Variants in TGS1 observed in about 807,000 individuals in gnomAD.
TGS1 encodes trimethylguanosine synthase.
Under a neutral mutation model 92.2 loss-of-function variants are expected in TGS1, and 69 were observed. The observed-to-expected ratio is 0.75, with a 90% CI of 0.62 to 0.91. The LOEUF is 0.91. TGS1 is among the 40% of genes least tolerant of loss of function. TGS1 has a pLI of 0.00. For missense variants in TGS1, 1,062 were observed against 1,001.2 expected, an observed-to-expected ratio of 1.06 and a Z score of -0.82; for synonymous variants, 345 against 338.1, an observed-to-expected ratio of 1.02 and a Z score of -0.22.
chr8:55,783,844 A>G (rs548430497), intron 2 of TGS1, among the ~76,000 whole-genome samples: 2 of 152,338 alleles, frequency 1.3e-5, no homozygotes, highest in Admixed American at 1.3e-4. Flanking sequence ...GTGCTATGCT[A>G]TACAAATAAA....
intron 3 of TGS1, 34 bp downstream of exon 3, chr8:55,785,925 CTT>C (rs1563452268): frequency 1.3e-6 from 2 of 1,520,802 alleles, no homozygotes. Flanking sequence ...ATTTCTCTCT[CTT>C]CGTTTTCTTT....
intron 7 of TGS1, 22 bp from the exon 8 acceptor site, chr8:55,798,892 T>A (rs1329760351): frequency 6.4e-7 from 1 of 1,560,782 alleles, no homozygotes; most frequent in East Asian, 2.2e-5. Context: ...TTCCTGCTCA[T>A]GATGTCATCT....
rs184547920 is a variant in TGS1, at chr8:55,809,129, G to A, written c.2144-1752G>A. On this transcript the variant is annotated intron_variant, in intron 10 of 12. Coordinates refer to ENST00000260129, the MANE Select transcript of TGS1 (RefSeq NM_024831.8). ...TGTATTTATACATTTACATATATAC[G>A]CAACATACATACAAAAAGATGGCAT... 2.4e-3 allele frequency among the ~76,000 whole-genome samples: 369 copies of A among 152,072 alleles called. 1 individual carries two copies. The highest frequency in any genetic ancestry group is 4.0e-3 in the Non-Finnish European group (275 of 67,996).
At chr8:55,811,605 C>CA (rs1563467732) in intron 11 of TGS1, among the ~76,000 whole-genome samples, 1 of 149,702 alleles carries the variant, frequency 6.7e-6, no homozygotes, top group East Asian at 2.0e-4. Context: ...ACTAAAAATA[C>CA]AAAAAATTAG....
At chr8:55,797,913 C>T (rs1317154450) in intron 7 of TGS1, among the ~76,000 whole-genome samples, 1 of 152,118 alleles carries the variant, frequency 6.6e-6, no homozygotes, top group Non-Finnish European at 1.5e-5. Flanking sequence ...ATATATATAG[C>T]TGGTTTTATT....
chr8:55,778,749 C>T (rs1811471780), intron 1 of TGS1, among the ~76,000 whole-genome samples: 1 of 152,202 alleles, frequency 6.6e-6, no homozygotes, highest in African/African-American at 2.4e-5. Flanking sequence ...AAAGGGCTTC[C>T]TTTCCATTTT....
At chr8:55,814,621 G>A (rs1043412756) in intron 12 of TGS1, among the ~76,000 whole-genome samples, 2 of 143,842 alleles carry the variant, frequency 1.4e-5, no homozygotes, top group African/African-American at 5.2e-5. Context: ...GCCAGGAGTT[G>A]ACCAGCCTGG....
At chr8:55,784,565 G>C (rs1024812754) in intron 2 of TGS1, among the ~76,000 whole-genome samples, 1 of 152,102 alleles carries the variant, frequency 6.6e-6, no homozygotes, top group Non-Finnish European at 1.5e-5. Context: ...GCCTCAAGCA[G>C]CCTCTCAAAA....
chr8:55,795,866 G>C, intron 6 of TGS1, 112 bp from the exon 7 acceptor site: 1 of 779,414 alleles, frequency 1.3e-6, no homozygotes. Context: ...TTTTAAAAAG[G>C]GAATTAAAAT....
Position 55,814,672 on chromosome 8 carries a change from A to AT in TGS1, c.2439+1554_2439+1555insT, listed in dbSNP as rs1203670071. Among the ~76,000 whole-genome samples, 15 of 126,882 alleles carry AT rather than the reference A, an allele frequency of 1.2e-4. No individual in the cohort carries two copies. In the South Asian group the frequency reaches 1.2e-3, roughly 11 times the overall value. 83.2% of individuals were successfully genotyped at this position (126,882 alleles called of 152,430 possible). On this transcript the variant is annotated intron_variant, in intron 12 of 12. Coordinates refer to ENST00000260129, the MANE Select transcript of TGS1 (RefSeq NM_024831.8). ...CCCGTCTCTACTTAAAAAAAAAAAA[A>AT]AAATATATATATATATATATATATA... is the stretch of plus-strand genomic sequence containing the variant.
intron 6 of TGS1, among the ~76,000 whole-genome samples, chr8:55,795,100 A>G (rs1340643918): frequency 6.6e-6 from 1 of 152,246 alleles, no homozygotes; most frequent in Non-Finnish European, 1.5e-5. Flanking sequence ...AAAGTTTAGC[A>G]TGTAAAAAGG....
intron 3 of TGS1, 111 bp from the exon 4 acceptor site, chr8:55,786,127 A>G (rs935375299): frequency 4.0e-6 from 3 of 742,198 alleles, no homozygotes. Context: ...AAAAGCCCAT[A>G]GTGGGGCTTT....
intron 1 of TGS1, among the ~76,000 whole-genome samples, chr8:55,775,311 TAGGC>T (rs1811363533): frequency 6.6e-6 from 1 of 151,752 alleles, no homozygotes; most frequent in African/African-American, 2.4e-5. Context: ...GTGTGCACAG[TAGGC>T]AGGGTCAAAA....
chr8:55,808,016 CAG>C (rs1416499241), intron 10 of TGS1, among the ~76,000 whole-genome samples: 4 of 152,174 alleles, frequency 2.6e-5, no homozygotes, highest in South Asian at 2.1e-4. Context: ...GTAGAAAAAA[CAG>C]ACTCAGTCCT....
chr8:55,783,749 C>T (rs559847507), intron 2 of TGS1, among the ~76,000 whole-genome samples: 9 of 152,182 alleles, frequency 5.9e-5, no homozygotes, highest in Non-Finnish European at 1.3e-4. Flanking sequence ...TAGTTACCTT[C>T]GGAAACCCTT....
At chr8:55,773,810 A>C (rs1376201094) in intron 1 of TGS1, 91 bp downstream of exon 1, 8 of 1,049,562 alleles carry the variant, frequency 7.6e-6, no homozygotes, top group Non-Finnish European at 1.1e-5. Context: ...GATCCCTGAA[A>C]GCAGCCAGAA....
chr8:55,824,739 G>A lies in TGS1; in HGVS notation c.*36G>A, dbSNP rs1157151666. 10 of 1,606,690 alleles carry A rather than the reference G, an allele frequency of 6.2e-6. No individual in the cohort carries two copies. Among genetic ancestry groups the A allele is most frequent in the Middle Eastern group, 1.7e-4 (1 of 6,026 alleles). The stretch of plus-strand genomic sequence containing the variant: ...GTGCGAGGACAAAAGATCATGGAGT[G>A]GTCAAAATATTCAGATGAGACATTT... On this transcript the variant is annotated 3_prime_UTR_variant, in exon 13 of 13. Transcript: ENST00000260129.
chr8:55,804,805 A>G lies in TGS1; in HGVS notation c.2000-88A>G, dbSNP rs370819221. The G allele has an allele frequency of 4.6e-5, 52 of 1,119,146 alleles. No homozygotes were observed. In the East Asian group the frequency reaches 1.0e-3, roughly 22 times the overall value. 69.3% of individuals were successfully genotyped at this position (1,119,146 alleles called of 1,614,324 possible). On this transcript the variant is annotated intron_variant, in intron 9 of 12. Transcript: ENST00000260129. The stretch of plus-strand genomic sequence containing the variant: ...AAGGGAAACTAAGCTTTTTAAAAGT[A>G]TGTAAGATATAGTAATGTTTGCTAT...
At chr8:55,808,091 T>C (rs527953608) in intron 10 of TGS1, among the ~76,000 whole-genome samples, 26 of 152,322 alleles carry the variant, frequency 1.7e-4, no homozygotes, top group African/African-American at 6.0e-4. Context: ...CTTATCGCCT[T>C]ACCATTACAT....
Sources: gnomAD v4.1 joint callset for allele counts (sites outside exome capture counted in the v4.1 genomes callset) on GRCh38, gnomAD v4.1.1 for gene constraint, MANE v1.5 for transcripts, NCBI Gene and HGNC (gene_info 2026-07-23, HGNC 2026-07-21) for gene names.